The following SHISA9 variants were observed in gnomAD, a reference collection of about 807,000 sequenced individuals.
The protein encoded by SHISA9 is protein shisa-9.
A neutral mutation model predicts 38.0 loss-of-function variants in SHISA9; 13 were observed. The ratio of observed to expected loss-of-function variants is 0.34; its 90% CI spans 0.22 to 0.54. The LOEUF is 0.54. Among genes scored for constraint, SHISA9 ranks in the 20% least tolerant of loss-of-function variants. SHISA9 has a pLI of 0.91. For missense variants in SHISA9, 538 were observed against 575.8 expected (o/e 0.93, Z 0.67); for synonymous variants, 275 against 242.0 (o/e 1.14, Z -1.27).
the SHISA9 span, among the ~76,000 whole-genome samples, chr16:13,441,712 C>G: frequency 1.3e-5 from 2 of 152,306 alleles, no homozygotes; most frequent in South Asian, 4.1e-4. Flanking sequence ...AACCCTATGT[C>G]TCATTCACTG....
At chr16:13,348,837 C>G in the SHISA9 span, among the ~76,000 whole-genome samples, 1 of 151,990 alleles carries the variant, frequency 6.6e-6, no homozygotes, top group Non-Finnish European at 1.5e-5. Context: ...TTACCAAAAG[C>G]TGCCTGTTAC....
chr16:13,233,523 G>C (rs2051352278), intron 4 of SHISA9, among the ~76,000 whole-genome samples: 1 of 152,178 alleles, frequency 6.6e-6, no homozygotes, highest in South Asian at 2.1e-4. Flanking sequence ...AATATCTCAG[G>C]CTCTTCAGGT....
At chr16:13,504,049 C>A in the SHISA9 span, among the ~76,000 whole-genome samples, 1 of 152,116 alleles carries the variant, frequency 6.6e-6, no homozygotes, top group Non-Finnish European at 1.5e-5. Flanking sequence ...AGCAAATTTG[C>A]AGAAGCAGCC....
chr16:13,040,389 T>C (rs941734592), intron 2 of SHISA9, among the ~76,000 whole-genome samples: 1 of 152,192 alleles, frequency 6.6e-6, no homozygotes, highest in African/African-American at 2.4e-5. Context: ...CCCTCTGATG[T>C]TTGCATGACC....
intron 2 of SHISA9, among the ~76,000 whole-genome samples, chr16:12,959,110 A>G (rs540181255): frequency 6.6e-6 from 1 of 152,336 alleles, no homozygotes; most frequent in Admixed American, 6.5e-5. Context: ...GAGGAGTGAC[A>G]TGACCTGATT....
chr16:13,299,813 C>T, the SHISA9 span, among the ~76,000 whole-genome samples: 16 of 152,242 alleles, frequency 1.1e-4, no homozygotes, highest in African/African-American at 3.9e-4. Flanking sequence ...CAAATCTTTG[C>T]TATGCCACTC....
intron 3 of SHISA9, among the ~76,000 whole-genome samples, chr16:13,210,817 T>A (rs4781432): frequency 0.27 from 41,056 of 152,094 alleles, 6,360 homozygotes; most frequent in African/African-American, 0.42. Context: ...CAGAGCCAAG[T>A]CTCATATTCA....
At chr16:13,100,124 T>C (rs1254910203) in intron 2 of SHISA9, among the ~76,000 whole-genome samples, 1 of 152,216 alleles carries the variant, frequency 6.6e-6, no homozygotes. Context: ...AGTGTCACCA[T>C]AGCTGATTCC....
chr16:13,462,830 C>T, the SHISA9 span, among the ~76,000 whole-genome samples: 5 of 152,008 alleles, frequency 3.3e-5, no homozygotes, highest in South Asian at 6.2e-4. Context: ...GGCGTGGTGG[C>T]GGGCGCCAGT....
intron 2 of SHISA9, among the ~76,000 whole-genome samples, chr16:12,948,196 C>T (rs143174522): frequency 5.3e-5 from 8 of 152,156 alleles, no homozygotes; most frequent in African/African-American, 1.7e-4. Flanking sequence ...TTAGAGATGT[C>T]TACTCATTTG....
At chr16:13,315,879 T>C in the SHISA9 span, among the ~76,000 whole-genome samples, 2 of 152,140 alleles carry the variant, frequency 1.3e-5, no homozygotes, top group African/African-American at 4.8e-5. Context: ...TTAATCATCA[T>C]GCTGTTTACC....
the SHISA9 span, among the ~76,000 whole-genome samples, chr16:13,373,191 G>A: frequency 3.9e-5 from 6 of 152,136 alleles, no homozygotes; most frequent in Non-Finnish European, 8.8e-5. Context: ...TGCAATATGA[G>A]GAAGTTCATA....
At chr16:13,195,359 A>G (rs1356276339) in intron 2 of SHISA9, among the ~76,000 whole-genome samples, 4 of 152,250 alleles carry the variant, frequency 2.6e-5, no homozygotes, top group African/African-American at 9.6e-5. Flanking sequence ...AAAACAAAAT[A>G]AAGTGGTAGT....
At chr16:13,279,079 C>G in the SHISA9 span, among the ~76,000 whole-genome samples, 34 of 151,860 alleles carry the variant, frequency 2.2e-4, no homozygotes, top group Admixed American at 7.2e-4. Flanking sequence ...ACTGCCTTTG[C>G]TGTATCCCAG....
At chr16:12,961,543 C>G (rs572383626) in intron 2 of SHISA9, among the ~76,000 whole-genome samples, 2 of 152,116 alleles carry the variant, frequency 1.3e-5, no homozygotes, top group Non-Finnish European at 2.9e-5. Context: ...AAGGATGTGT[C>G]TGTATCCTGA....
chr16:13,192,793 TA>T (rs2050898668), intron 2 of SHISA9, among the ~76,000 whole-genome samples: 1 of 151,958 alleles, frequency 6.6e-6, no homozygotes, highest in Non-Finnish European at 1.5e-5. Context: ...GACAATCACT[TA>T]AACCCCAGAG....
At chr16:13,272,806 CTCT>C in the SHISA9 span, among the ~76,000 whole-genome samples, 11 of 152,142 alleles carry the variant, frequency 7.2e-5, no homozygotes, top group East Asian at 1.9e-4. Flanking sequence ...TTATCTTTCT[CTCT>C]TCTTCTTTAC....
At chr16:13,105,225 T>A (rs774010596) in intron 2 of SHISA9, among the ~76,000 whole-genome samples, 4 of 152,244 alleles carry the variant, frequency 2.6e-5, no homozygotes. Context: ...CATAGGAGTA[T>A]ACGGCTAGCA....
the SHISA9 span, among the ~76,000 whole-genome samples, chr16:13,326,250 G>C: frequency 0.021 from 3,149 of 152,124 alleles, 92 homozygotes; most frequent in African/African-American, 0.072. Flanking sequence ...AAATATTAAT[G>C]ATAACTAGAA....
Sources: allele counts gnomAD v4.1 joint callset (sites outside exome capture counted in the v4.1 genomes callset), GRCh38; gene constraint gnomAD v4.1.1; transcripts MANE v1.5; gene names NCBI Gene and HGNC (gene_info 2026-07-23, HGNC 2026-07-21).